PDE4D: variants seen among roughly 807,000 people sequenced by gnomAD.
PDE4D encodes 3',5'-cyclic-AMP phosphodiesterase 4D.
PDE4D carries 24 observed loss-of-function variants against 87.4 expected under a neutral mutation model. The observed-to-expected ratio is 0.27, with a 90% confidence interval of 0.20 to 0.39. PDE4D has a LOEUF of 0.39. Among genes scored for constraint, PDE4D ranks in the 10% least tolerant of loss-of-function variants. The pLI is 1.00. For missense variants in PDE4D, 714 were observed against 1,041.0 expected, an observed-to-expected ratio of 0.69 and a Z score of 4.32; for synonymous variants, 384 against 383.2, an observed-to-expected ratio of 1.00 and a Z score of -0.02.
chr5:60,179,343 A>G (rs1244494749), intron 2 of PDE4D, among the ~76,000 whole-genome samples: 1 of 152,144 alleles, frequency 6.6e-6, no homozygotes, highest in East Asian at 1.9e-4. Context: ...CAATAAAAGT[A>G]AAGTTGTTAT....
chr5:59,896,173 C>T (rs1472181945), upstream of PDE4D, among the ~76,000 whole-genome samples: 4 of 152,134 alleles, frequency 2.6e-5, no homozygotes, highest in Non-Finnish European at 4.4e-5. Context: ...CAAAGTAGTA[C>T]TAATATTACC....
chr5:60,156,731 A>AT (rs937067353), intron 2 of PDE4D, among the ~76,000 whole-genome samples: 23 of 152,116 alleles, frequency 1.5e-4, no homozygotes, highest in African/African-American at 5.5e-4. Context: ...AATTTCTACC[A>AT]TTTTTTCTAT....
chr5:60,109,817 C>G (rs1777478975), intron 2 of PDE4D, among the ~76,000 whole-genome samples: 1 of 150,496 alleles, frequency 6.6e-6, no homozygotes, highest in Non-Finnish European at 1.5e-5. Context: ...ACAATGAGAA[C>G]ACATGGACAC....
intron 3 of PDE4D, among the ~76,000 whole-genome samples, chr5:59,972,382 T>TG (rs1760877801): frequency 6.6e-6 from 1 of 152,184 alleles, no homozygotes; most frequent in African/African-American, 2.4e-5. Flanking sequence ...CCAAGGACTG[T>TG]GTTTCCTAAA....
intron 1 of PDE4D, among the ~76,000 whole-genome samples, chr5:59,678,053 T>C (rs1001720828): frequency 4.6e-5 from 7 of 152,194 alleles, no homozygotes; most frequent in African/African-American, 1.7e-4. Flanking sequence ...AAAACTGAGG[T>C]GCCTGCACAA....
chr5:60,369,499 A>C (rs1760830737), intron 1 of PDE4D, among the ~76,000 whole-genome samples: 1 of 152,182 alleles, frequency 6.6e-6, no homozygotes, highest in African/African-American at 2.4e-5. Context: ...AGGACAGAAC[A>C]GTGAGTCAAC....
At chr5:59,233,966 G>T (rs1165270296) in intron 1 of PDE4D, among the ~76,000 whole-genome samples, 1 of 152,126 alleles carries the variant, frequency 6.6e-6, no homozygotes, top group Non-Finnish European at 1.5e-5. Flanking sequence ...CCAAATTCAT[G>T]GTGAGGCTAT....
chr5:59,454,491 G>A (rs1799623280), intron 1 of PDE4D, among the ~76,000 whole-genome samples: 1 of 152,154 alleles, frequency 6.6e-6, no homozygotes, highest in Admixed American at 6.5e-5. Context: ...CGCCATGATT[G>A]TGAGGCCTCC....
At chr5:59,522,250 G>T (rs879292804) in intron 1 of PDE4D, among the ~76,000 whole-genome samples, 2 of 152,160 alleles carry the variant, frequency 1.3e-5, no homozygotes, top group African/African-American at 4.8e-5. Flanking sequence ...ATAGAAATAT[G>T]AGGAAAATTA....
At chr5:60,102,732 T>C (rs1029974142) in intron 2 of PDE4D, among the ~76,000 whole-genome samples, 10 of 152,166 alleles carry the variant, frequency 6.6e-5, no homozygotes, top group Non-Finnish European at 1.5e-4. Context: ...TAAGAATTAC[T>C]AAGAAAAGGG....
At chr5:60,378,853 A>G (rs111571959) in intron 1 of PDE4D, among the ~76,000 whole-genome samples, 1,574 of 152,220 alleles carry the variant, frequency 0.01, 10 homozygotes, top group Non-Finnish European at 0.019. Context: ...ACTCCGACTC[A>G]AAAACTAAAA....
At chr5:59,198,688 C>T (rs1746041923) in intron 2 of PDE4D, among the ~76,000 whole-genome samples, 2 of 152,068 alleles carry the variant, frequency 1.3e-5, no homozygotes, top group Admixed American at 6.6e-5. Flanking sequence ...TTTTTTCTCA[C>T]AAGAGAAATG....
intron 1 of PDE4D, among the ~76,000 whole-genome samples, chr5:59,611,486 T>C (rs1392208458): frequency 3.9e-5 from 6 of 152,114 alleles, no homozygotes; most frequent in African/African-American, 1.4e-4. Context: ...TTTCCCCTTG[T>C]AACACTCATC....
intron 1 of PDE4D, among the ~76,000 whole-genome samples, chr5:59,486,952 C>G (rs889719326): frequency 3.7e-4 from 57 of 152,104 alleles, no homozygotes; most frequent in African/African-American, 1.4e-3. Flanking sequence ...TTTAAGAATA[C>G]AATTTTATTT....
intron 1 of PDE4D, among the ~76,000 whole-genome samples, chr5:59,469,376 T>C (rs1444081398): frequency 1.3e-5 from 2 of 152,016 alleles, no homozygotes; most frequent in Non-Finnish European, 2.9e-5. Flanking sequence ...ACACACATAG[T>C]CAGATGTGGC....
upstream of PDE4D, among the ~76,000 whole-genome samples, chr5:60,488,940 G>A (rs1406054358): frequency 6.6e-6 from 1 of 151,990 alleles, no homozygotes; most frequent in Non-Finnish European, 1.5e-5. Context: ...CCCTACCCCA[G>A]GTTTTTCTTG....
intron 1 of PDE4D, among the ~76,000 whole-genome samples, chr5:60,345,984 A>T (rs546320318): frequency 2.4e-5 from 3 of 123,420 alleles, no homozygotes; most frequent in East Asian, 2.5e-4. Context: ...TCTTTTTTAT[A>T]AAAAAAACCA....
intron 2 of PDE4D, among the ~76,000 whole-genome samples, chr5:60,177,986 T>A (rs1050105709): frequency 2.6e-5 from 4 of 152,178 alleles, no homozygotes; most frequent in Non-Finnish European, 5.9e-5. Flanking sequence ...ATATACACAT[T>A]TATAAATATA....
chr5:60,491,934 A>G (rs528443981), upstream of PDE4D, among the ~76,000 whole-genome samples: 3 of 152,322 alleles, frequency 2.0e-5, no homozygotes, highest in South Asian at 6.2e-4. Context: ...ATGGGCAAAT[A>G]CATGCTTAGA....
Sources: gnomAD v4.1 joint callset for allele counts (sites outside exome capture counted in the v4.1 genomes callset) on GRCh38, gnomAD v4.1.1 for gene constraint, MANE v1.5 for transcripts, NCBI Gene and HGNC (gene_info 2026-07-23, HGNC 2026-07-21) for gene names.